CCDC97: variants seen among roughly 807,000 people sequenced by gnomAD.
CCDC97 encodes coiled-coil domain-containing protein 97.
CCDC97 carries 27 observed loss-of-function variants against 33.9 expected under a neutral mutation model. The ratio of observed to expected loss-of-function variants is 0.80; its 90% CI spans 0.59 to 1.10. The LOEUF (loss-of-function observed/expected upper bound fraction) is 1.10. Among genes scored for constraint, CCDC97 ranks in the 50% least tolerant of loss-of-function variants. The probability of loss-of-function intolerance (pLI) is 0.00; values close to 1 mark genes in which losing one functional copy is unlikely to be tolerated. For synonymous variants in CCDC97, 217 were observed against 194.0 expected (o/e 1.12, Z -0.99); for missense variants, 422 against 476.6 (o/e 0.89, Z 1.07).
At chr19:41,317,551 T>C (rs1024641746) in intron 2 of CCDC97, among the ~76,000 whole-genome samples, 2 of 151,450 alleles carry the variant, frequency 1.3e-5, no homozygotes, top group African/African-American at 4.9e-5. Flanking sequence ...GGCGAAATGC[T>C]GTCTCTACAA....
intron 1 of CCDC97, among the ~76,000 whole-genome samples, chr19:41,314,668 C>G (rs2037724139): frequency 1.3e-5 from 2 of 152,234 alleles, no homozygotes; most frequent in Non-Finnish European, 2.9e-5. Context: ...AATCAAATGT[C>G]ACTTTTTTGG....
Position 41,310,286 on chromosome 19 carries a change from G to T in CCDC97, c.-25G>T, listed in dbSNP as rs1372113498. 9 of 1,590,948 alleles carry T rather than the reference G, an allele frequency of 5.7e-6. No individual in the cohort carries two copies. Among genetic ancestry groups the T allele is most frequent in the Non-Finnish European group, 7.7e-6 (9 of 1,169,140 alleles). ...GGTTAGTGTGCGGGGCCCGCCGGGC[G>T]GTTGAAAAGTCCGAGAGAATCAGGA... On this transcript the variant is annotated 5_prime_UTR_variant, in exon 1 of 5. Transcript: ENST00000269967.
At position 41,310,272 on chromosome 19, in the gene CCDC97, G is replaced by C; in HGVS notation, c.-39G>C. 2 of 1,575,802 alleles carry C rather than the reference G, an allele frequency of 1.3e-6. No homozygotes were observed. The highest frequency in any genetic ancestry group is 1.3e-5 in the African/African-American group (1 of 74,214). The stretch of plus-strand genomic sequence containing the variant: ...GTGCGTGGGCCGGAGGTTAGTGTGC[G>C]GGGCCCGCCGGGCGGTTGAAAAGTC... On this transcript the variant is annotated 5_prime_UTR_variant, in exon 1 of 5. Transcript: ENST00000269967.
rs772468898 is a variant in CCDC97, at chr19:41,322,663, T to C, written c.980T>C (p.Phe327Ser). ...GCACGGGATGAGGAGGAGAGGTACT[T>C]TGATGAGGAAGAACCTGAGGATGCG... ...IVARDEEERYFDEEEPEDAPS... is the reference protein window; with the variant it reads ...IVARDEEERYSDEEEPEDAPS... Residue 327 changes from phenylalanine to serine, a missense_variant, in exon 5 of 5, where the codon TTT becomes TCT. Physicochemically the swap from Phe to Ser is radical, Grantham distance 155. Coordinates refer to ENST00000269967, the MANE Select transcript of CCDC97 (RefSeq NM_052848.3). The C allele has an allele frequency of 6.2e-7, 1 of 1,613,800 alleles. No individual in the cohort carries two copies. Among genetic ancestry groups the C allele is most frequent in the Admixed American group, 1.7e-5 (1 of 59,998 alleles).
chr19:41,318,935 A>G (rs1568469638), intron 2 of CCDC97, among the ~76,000 whole-genome samples: 3 of 152,148 alleles, frequency 2.0e-5, no homozygotes, highest in Non-Finnish European at 2.9e-5. Context: ...ACTGCCAGCC[A>G]GACTAGGGCC....
intron 1 of CCDC97, chr19:41,310,881 C>A: frequency 2.0e-6 from 2 of 988,416 alleles, no homozygotes; most frequent in Non-Finnish European, 2.4e-6. Context: ...AAAGTCCTTA[C>A]TCAATTTCTG....
At chr19:41,310,629 C>T (rs2037672255) in intron 1 of CCDC97, 1 of 985,234 alleles carries the variant, frequency 1.0e-6, no homozygotes, top group Non-Finnish European at 1.2e-6. Flanking sequence ...CAGGCTAACT[C>T]TCAAATTAAC....
chr19:41,310,707 C>T (rs2037673621), intron 1 of CCDC97: 1 of 1,156,282 alleles, frequency 8.6e-7, no homozygotes. Flanking sequence ...TTACCTCCTT[C>T]CCTGTACCAA....
At chr19:41,318,308 C>T (rs2037775034) in intron 2 of CCDC97, among the ~76,000 whole-genome samples, 1 of 152,120 alleles carries the variant, frequency 6.6e-6, no homozygotes, top group Admixed American at 6.5e-5. Context: ...AAAAATTAGC[C>T]AGGCACTGTG....
At position 41,322,581 on chromosome 19, in the gene CCDC97, T is replaced by G. The variant is rs199555374; in HGVS notation, c.912-14T>G. 10 of 1,610,518 alleles carry G rather than the reference T, an allele frequency of 6.2e-6. No individual in the cohort carries two copies. In the African/African-American group the frequency reaches 1.1e-4, roughly 17 times the overall value. On this transcript the variant is annotated splice_polypyrimidine_tract_variant and intron_variant, in intron 4 of 4. Coordinates refer to ENST00000269967, the MANE Select transcript of CCDC97 (RefSeq NM_052848.3). ...CAGGGAGACCCAGTCCTTGACAGCC[T>G]CCTCCTCCTGCAGCACAGTAGACGA... is the stretch of plus-strand genomic sequence containing the variant.
chr19:41,313,600 T>C (rs1325377864), intron 1 of CCDC97, among the ~76,000 whole-genome samples: 1 of 152,198 alleles, frequency 6.6e-6, no homozygotes, highest in Non-Finnish European at 1.5e-5. Context: ...AAGTTGTCTC[T>C]ATATTCTGTT....
Position 41,324,520 on chromosome 19 carries a change from A to G in CCDC97, c.*1805A>G, listed in dbSNP as rs970025284. On this transcript the variant is annotated 3_prime_UTR_variant, in exon 5 of 5. Coordinates refer to ENST00000269967, the MANE Select transcript of CCDC97 (RefSeq NM_052848.3). ...AAGGGTCAGATGGTAGGCGGGCCTA[A>G]CAAGGGCTCCGTGCTAGCCACTGTC... 3 of 152,250 alleles carry G rather than the reference A, an allele frequency of 2.0e-5. No homozygotes were observed. Among genetic ancestry groups the G allele is most frequent in the Non-Finnish European group, 4.4e-5 (3 of 68,056 alleles). 9.4% of individuals were successfully genotyped at this position (152,250 alleles called of 1,614,324 possible).
intron 4 of CCDC97, among the ~76,000 whole-genome samples, chr19:41,321,970 C>T (rs1004606138): frequency 6.6e-6 from 1 of 152,176 alleles, no homozygotes; most frequent in Non-Finnish European, 1.5e-5. Flanking sequence ...CCAGTGATGA[C>T]GTCAAAATGT....
chr19:41,310,824 G>A, intron 1 of CCDC97: 1 of 990,488 alleles, frequency 1.0e-6, no homozygotes, highest in South Asian at 4.5e-5. Context: ...TCATTTCATT[G>A]TAACTCCCGT....
chr19:41,313,578 C>G (rs1232946897), intron 1 of CCDC97, among the ~76,000 whole-genome samples: 1 of 152,210 alleles, frequency 6.6e-6, no homozygotes, highest in African/African-American at 2.4e-5. Flanking sequence ...CCCAACCCAG[C>G]CACGCTGCTT....
chr19:41,312,562 T>C (rs1347491883), intron 1 of CCDC97, among the ~76,000 whole-genome samples: 1 of 152,250 alleles, frequency 6.6e-6, no homozygotes, highest in East Asian at 1.9e-4. Flanking sequence ...AACAAAGTAC[T>C]ACAAACTGCA....
At position 41,310,174 on chromosome 19, in the gene CCDC97, G is replaced by T. The variant is rs549835184; in HGVS notation, c.-137G>T. ...ATGCGCAATGCAACGTCTGCCTTAG[G>T]CCCGGAACTTCGGTGCCTGGGCGCA... On this transcript the variant is annotated 5_prime_UTR_variant, in exon 1 of 5. Coordinates refer to ENST00000269967, the MANE Select transcript of CCDC97 (RefSeq NM_052848.3). 4.0e-6 allele frequency: 5 copies of T among 1,254,826 alleles called. No homozygotes were observed. The highest frequency in any genetic ancestry group is 2.1e-5 in the Admixed American group (1 of 48,514). The allele number at this position is 1,254,826 out of a possible 1,614,324, so 77.7% of individuals were successfully genotyped here.
chr19:41,321,718 C>G (rs950485511), intron 4 of CCDC97, among the ~76,000 whole-genome samples: 1 of 152,172 alleles, frequency 6.6e-6, no homozygotes, highest in African/African-American at 2.4e-5. Context: ...AGGAGCATTC[C>G]TGGCAGAGGC....
At position 41,324,384 on chromosome 19, in the gene CCDC97, T is replaced by C. The variant is rs540141804; in HGVS notation, c.*1669T>C. On this transcript the variant is annotated 3_prime_UTR_variant, in exon 5 of 5. Coordinates refer to ENST00000269967, the MANE Select transcript of CCDC97 (RefSeq NM_052848.3). ...GAACCCAGGCCTAGAATCACAAAGG[T>C]CCTAGAAACCACTTGGCTGTCTGGC... 6.6e-6 allele frequency: 1 copy of C among 152,116 alleles called. No homozygotes were observed. The highest frequency in any genetic ancestry group is 1.5e-5 in the Non-Finnish European group (1 of 68,028). 9.4% of individuals were successfully genotyped at this position (152,116 alleles called of 1,614,324 possible). A position where few individuals can be genotyped will look rare whatever the true frequency, so the allele number is the denominator to read the frequency against.
Sources: allele counts gnomAD v4.1 joint callset (sites outside exome capture counted in the v4.1 genomes callset), GRCh38; gene constraint gnomAD v4.1.1; transcripts MANE v1.5; gene names NCBI Gene and HGNC (gene_info 2026-07-23, HGNC 2026-07-21).